SGCZ: variants seen among roughly 807,000 people sequenced by gnomAD.
The protein encoded by SGCZ is sarcoglycan zeta.
Under a neutral mutation model 41.3 loss-of-function variants are expected in SGCZ, and 40 were observed. The ratio of observed to expected loss-of-function variants is 0.97; its 90% CI spans 0.75 to 1.26. The LOEUF (loss-of-function observed/expected upper bound fraction) is 1.26, where lower values mean the gene tolerates loss of function less well. Ranked by LOEUF, SGCZ falls within the 50% of genes most tolerant of loss-of-function variation. The pLI is 0.00. For synonymous variants in SGCZ, 206 were observed against 137.5 expected (o/e 1.50, Z -3.49); for missense variants, 552 against 369.8 (o/e 1.49, Z -4.04).
intron 1 of SGCZ, among the ~76,000 whole-genome samples, chr8:14,679,775 C>T (rs1052276695): frequency 3.3e-5 from 5 of 151,972 alleles, no homozygotes; most frequent in South Asian, 4.1e-4. Context: ...TATTCACTAG[C>T]CACCTACTCA....
At chr8:14,930,703 G>A (rs1307279536) in intron 1 of SGCZ, among the ~76,000 whole-genome samples, 1 of 151,942 alleles carries the variant, frequency 6.6e-6, no homozygotes. Context: ...GGATGACGCT[G>A]GAAACCATCA....
intron 3 of SGCZ, among the ~76,000 whole-genome samples, chr8:14,239,799 G>A (rs866581358): frequency 6.8e-6 from 1 of 147,456 alleles, no homozygotes. Flanking sequence ...CTACTTGGGA[G>A]GCTGAGGCAG....
chr8:14,187,464 A>T (rs1011273771), intron 4 of SGCZ, among the ~76,000 whole-genome samples: 3 of 152,200 alleles, frequency 2.0e-5, no homozygotes, highest in Non-Finnish European at 4.4e-5. Flanking sequence ...TATTTTGAAG[A>T]ATTAAATGCA....
intron 2 of SGCZ, among the ~76,000 whole-genome samples, chr8:14,434,395 T>A (rs1800029161): frequency 6.6e-6 from 1 of 152,206 alleles, no homozygotes; most frequent in Admixed American, 6.5e-5. Flanking sequence ...TGAAATCAGG[T>A]AATGGGATGC....
chr8:14,697,422 C>T (rs1013699477), intron 1 of SGCZ, among the ~76,000 whole-genome samples: 7 of 152,034 alleles, frequency 4.6e-5, no homozygotes, highest in African/African-American at 1.4e-4. Flanking sequence ...TAATATACTG[C>T]TTATCTTTAA....
chr8:14,446,976 G>C (rs1359319332), intron 2 of SGCZ, among the ~76,000 whole-genome samples: 1 of 152,026 alleles, frequency 6.6e-6, no homozygotes, highest in Non-Finnish European at 1.5e-5. Context: ...TCAAGCAAAA[G>C]CTTTAGATCT....
intron 1 of SGCZ, among the ~76,000 whole-genome samples, chr8:15,201,631 T>A (rs1800893183): frequency 6.6e-6 from 1 of 152,182 alleles, no homozygotes. Context: ...TACCATTCAA[T>A]GGCTTGTGAA....
intron 1 of SGCZ, among the ~76,000 whole-genome samples, chr8:14,605,668 T>C (rs1221867725): frequency 6.6e-6 from 1 of 152,210 alleles, no homozygotes; most frequent in Non-Finnish European, 1.5e-5. Context: ...TCACTCATCA[T>C]GTTTACTATG....
chr8:15,221,569 C>A (rs1801603621), intron 1 of SGCZ, among the ~76,000 whole-genome samples: 1 of 152,058 alleles, frequency 6.6e-6, no homozygotes, highest in South Asian at 2.1e-4. Flanking sequence ...AGGGGTGACA[C>A]TGCCTTCCTA....
In SGCZ at chr8:15,237,729, C is replaced by T; in HGVS notation, c.-106G>A. The T allele has an allele frequency of 8.2e-7, 1 of 1,222,684 alleles. No homozygotes were observed. Among genetic ancestry groups the T allele is most frequent in the African/African-American group, 1.5e-5 (1 of 66,574 alleles). 75.7% of individuals were successfully genotyped at this position (1,222,684 alleles called of 1,614,324 possible). A position where few individuals can be genotyped will look rare whatever the true frequency, so the allele number is the denominator to read the frequency against. ...CTCAGCTTTATCCTCCTCCAAGCCC[C>T]GGCAGCTCCTCTCAGTCTCATTCTC... On this transcript the variant is annotated 5_prime_UTR_variant, in exon 1 of 8. Transcript: ENST00000382080.
At chr8:14,935,087 A>G (rs1800041689) in intron 1 of SGCZ, among the ~76,000 whole-genome samples, 1 of 151,620 alleles carries the variant, frequency 6.6e-6, no homozygotes, top group Non-Finnish European at 1.5e-5. Flanking sequence ...GCTAAAGAAT[A>G]TTATGATGAA....
intron 2 of SGCZ, among the ~76,000 whole-genome samples, chr8:14,459,561 G>C (rs1370622288): frequency 2.6e-5 from 4 of 152,244 alleles, no homozygotes; most frequent in Middle Eastern, 6.8e-3. Flanking sequence ...AGTTTGAGGA[G>C]AAGCAAGATA....
chr8:14,582,328 C>G (rs868461843), intron 1 of SGCZ, among the ~76,000 whole-genome samples: 45 of 152,054 alleles, frequency 3.0e-4, no homozygotes, highest in African/African-American at 9.9e-4. Context: ...TGTGGGGGAT[C>G]AGCACCCCTA....
intron 1 of SGCZ, among the ~76,000 whole-genome samples, chr8:15,097,860 G>A (rs1207823236): frequency 7.8e-4 from 2 of 2,578 alleles, no homozygotes; most frequent in East Asian, 0.012. Flanking sequence ...ATATATACGT[G>A]TGTGTGTATA....
chr8:14,909,099 T>C (rs17573547), intron 1 of SGCZ, among the ~76,000 whole-genome samples: 3,554 of 152,310 alleles, frequency 0.023, 66 homozygotes, highest in Middle Eastern at 0.071. Context: ...GTTGATTAAG[T>C]ATCTCATCTA....
At chr8:14,960,807 A>AT (rs1224897178) in intron 1 of SGCZ, among the ~76,000 whole-genome samples, 3 of 151,818 alleles carry the variant, frequency 2.0e-5, no homozygotes, top group African/African-American at 4.8e-5. Flanking sequence ...GAAATCACTG[A>AT]TTTTTTTTAC....
chr8:15,053,374 C>A (rs942930669), intron 1 of SGCZ, among the ~76,000 whole-genome samples: 1 of 152,018 alleles, frequency 6.6e-6, no homozygotes, highest in Admixed American at 6.6e-5. Context: ...TTCTGCCTGA[C>A]TTAGTTTCCT....
rs1017131537 is a variant in SGCZ at position 15,238,381 on chromosome 8, C to T, written c.-758G>A. 2.6e-5 allele frequency: 4 copies of T among 152,230 alleles called. No homozygotes were observed. Among genetic ancestry groups the T allele is most frequent in the African/African-American group, 9.7e-5 (4 of 41,448 alleles). 9.4% of individuals were successfully genotyped at this position (152,230 alleles called of 1,614,324 possible). A position where few individuals can be genotyped will look rare whatever the true frequency, so the allele number is the denominator to read the frequency against. ...TCCTCCTGCTTCGCTGTTTTACTGGCCTTCACCACCAGGTGACTGACTTCG... is the reference window on the plus strand; with the variant it reads ...TCCTCCTGCTTCGCTGTTTTACTGGTCTTCACCACCAGGTGACTGACTTCG... On this transcript the variant is annotated 5_prime_UTR_variant, in exon 1 of 8. Transcript: ENST00000382080.
chr8:14,437,796 C>T (rs1301399244), intron 2 of SGCZ, among the ~76,000 whole-genome samples: 1 of 151,364 alleles, frequency 6.6e-6, no homozygotes, highest in Non-Finnish European at 1.5e-5. Flanking sequence ...ACATTTTGTG[C>T]ATTCAACATT....
Sources: allele counts gnomAD v4.1 joint callset (sites outside exome capture counted in the v4.1 genomes callset), GRCh38; gene constraint gnomAD v4.1.1; transcripts MANE v1.5; gene names NCBI Gene and HGNC (gene_info 2026-07-23, HGNC 2026-07-21).